The following PKP4 variants were observed in gnomAD, a reference collection of about 807,000 sequenced individuals.
PKP4 encodes the protein plakophilin-4.
PKP4 carries 90 observed loss-of-function variants against 145.1 expected under a neutral mutation model. That is an observed-to-expected ratio of 0.62 (90% CI 0.52 to 0.74). PKP4 has a LOEUF of 0.74. PKP4 is among the 30% of genes least tolerant of loss of function. The probability of loss-of-function intolerance (pLI) is 0.00; values close to 1 mark genes in which losing one functional copy is unlikely to be tolerated. For synonymous variants in PKP4, 563 were observed against 577.2 expected (o/e 0.98, Z 0.35); for missense variants, 1,340 against 1,482.7 (o/e 0.90, Z 1.58).
chr2:158,489,555 C>T (rs564641250), intron 1 of PKP4, among the ~76,000 whole-genome samples: 1 of 152,282 alleles, frequency 6.6e-6, no homozygotes, highest in South Asian at 2.1e-4. Flanking sequence ...TTGGGGCTTC[C>T]CTGACTCCTC....
intron 4 of PKP4, among the ~76,000 whole-genome samples, chr2:158,604,611 T>C (rs2050500063): frequency 6.6e-6 from 1 of 152,020 alleles, no homozygotes; most frequent in Non-Finnish European, 1.5e-5. Context: ...TGTGAGGTTT[T>C]GCGTTTGGGA....
chr2:158,522,977 C>G (rs1003354234), intron 1 of PKP4, among the ~76,000 whole-genome samples: 5 of 152,084 alleles, frequency 3.3e-5, no homozygotes, highest in Non-Finnish European at 5.9e-5. Flanking sequence ...CTCGGAGGGT[C>G]CTACGCCCAC....
At chr2:158,478,372 G>T (rs1373658546) in intron 1 of PKP4, among the ~76,000 whole-genome samples, 1 of 151,914 alleles carries the variant, frequency 6.6e-6, no homozygotes, top group Non-Finnish European at 1.5e-5. Flanking sequence ...GATTTTCATA[G>T]TAAATCCTTT....
chr2:158,484,127 A>G (rs1437547830), intron 1 of PKP4, among the ~76,000 whole-genome samples: 1 of 150,242 alleles, frequency 6.7e-6, no homozygotes, highest in Non-Finnish European at 1.5e-5. Context: ...GGCTCACTGC[A>G]AGCTCCGCCT....
chr2:158,623,700 C>T (rs768380596), intron 6 of PKP4, among the ~76,000 whole-genome samples: 7 of 152,158 alleles, frequency 4.6e-5, no homozygotes, highest in Non-Finnish European at 1.0e-4. Flanking sequence ...CCTCATATGA[C>T]CCCTAAGGGT....
At chr2:158,613,413 T>G (rs2051314615) in intron 4 of PKP4, among the ~76,000 whole-genome samples, 1 of 152,168 alleles carries the variant, frequency 6.6e-6, no homozygotes. Flanking sequence ...CAAGCCCTAA[T>G]GAAATAATTC....
intron 11 of PKP4, among the ~76,000 whole-genome samples, chr2:158,645,565 C>A (rs2528578): frequency 3.3e-5 from 5 of 152,032 alleles, no homozygotes; most frequent in Admixed American, 3.3e-4. Context: ...GGCTGCAGTC[C>A]ATCGTGTGCG....
chr2:158,524,165 C>T, intron 1 of PKP4, among the ~76,000 whole-genome samples: 1 of 92,906 alleles, frequency 1.1e-5, no homozygotes. Flanking sequence ...AGAGCAACTC[C>T]AAGACACATA....
chr2:158,482,493 TATTTC>T (rs1693512733), intron 1 of PKP4, among the ~76,000 whole-genome samples: 1 of 152,026 alleles, frequency 6.6e-6, no homozygotes, highest in Non-Finnish European at 1.5e-5. Context: ...GTGAAAGTTT[TATTTC>T]ATTTATGTTT....
intron 1 of PKP4, among the ~76,000 whole-genome samples, chr2:158,520,534 T>C (rs1454931268): frequency 6.6e-6 from 1 of 152,256 alleles, no homozygotes; most frequent in African/African-American, 2.4e-5. Flanking sequence ...CGTCTAATAC[T>C]GTATCATGTT....
intron 2 of PKP4, 159 bp downstream of exon 2, chr2:158,533,475 G>A: frequency 1.2e-6 from 1 of 827,100 alleles, no homozygotes; most frequent in South Asian, 1.4e-5. Context: ...TGACTGGCAT[G>A]TAGAGCCGCT....
At position 158,598,110 on chromosome 2, in the gene PKP4, C is replaced by T. The variant is rs142202668; in HGVS notation, c.246-4960C>T. On this transcript the variant is annotated intron_variant, in intron 3 of 21. Coordinates refer to ENST00000389759, the MANE Select transcript of PKP4 (RefSeq NM_003628.6). ...AGAGTGGTGGATTATAGGCGTGAGC[C>T]GCTGTGTCAAGCCTGATTTTTTTAA... Among the ~76,000 whole-genome samples, 213 of 152,248 alleles carry T rather than the reference C, an allele frequency of 1.4e-3. 1 individual carries two copies. The highest frequency in any genetic ancestry group is 4.5e-3 in the African/African-American group (187 of 41,534).
chr2:158,574,571 C>G (rs958015554), intron 2 of PKP4, among the ~76,000 whole-genome samples: 1 of 152,184 alleles, frequency 6.6e-6, no homozygotes, highest in South Asian at 2.1e-4. Context: ...TGGTGCCATT[C>G]ACATGTGCGT....
Position 158,678,868 on chromosome 2 carries a change from A to G in PKP4, c.3330+214A>G, listed in dbSNP as rs2058242224. The G allele has an allele frequency of 6.9e-6, 4 of 582,752 alleles. No individual in the cohort carries two copies. In the Admixed American group the frequency reaches 1.2e-4, roughly 17 times the overall value. The allele number at this position is 582,752 out of a possible 1,614,324, so 36.1% of individuals were successfully genotyped here. The stretch of plus-strand genomic sequence containing the variant: ...GAGTATCCACATCGGTACTGCTGAG[A>G]CCACCGTGCCACTGATGGGGACAGC... On this transcript the variant is annotated intron_variant, in intron 21 of 21. Transcript: ENST00000389759.
intron 1 of PKP4, among the ~76,000 whole-genome samples, chr2:158,524,237 G>A (rs1420261178): frequency 1.6e-5 from 2 of 125,676 alleles, no homozygotes; most frequent in Admixed American, 8.6e-5. Flanking sequence ...AGAGAGAAAG[G>A]CCGGGTTACC....
At chr2:158,663,144 A>C (rs577111806) in intron 14 of PKP4, 56 bp downstream of exon 14, 2 of 1,526,576 alleles carry the variant, frequency 1.3e-6, no homozygotes, top group South Asian at 2.5e-5. Flanking sequence ...GGAGTGAGGA[A>C]TCACATATTT....
chr2:158,576,315 C>A (rs985542752), intron 2 of PKP4, among the ~76,000 whole-genome samples: 9 of 152,128 alleles, frequency 5.9e-5, no homozygotes, highest in African/African-American at 1.9e-4. Flanking sequence ...AGATTTAATA[C>A]TCATATGTCT....
At chr2:158,603,994 C>T (rs932861691) in intron 4 of PKP4, among the ~76,000 whole-genome samples, 2 of 152,084 alleles carry the variant, frequency 1.3e-5, no homozygotes, top group African/African-American at 4.8e-5. Context: ...AGTTCTTTCC[C>T]CCAGAAAAAT....
At chr2:158,655,045 C>G (rs769961018) in intron 11 of PKP4, among the ~76,000 whole-genome samples, 4 of 151,802 alleles carry the variant, frequency 2.6e-5, no homozygotes, top group Admixed American at 1.3e-4. Context: ...AATTTCAAAC[C>G]TATAAAAATA....
Sources: gnomAD v4.1 joint callset for allele counts (sites outside exome capture counted in the v4.1 genomes callset) on GRCh38, gnomAD v4.1.1 for gene constraint, MANE v1.5 for transcripts, NCBI Gene and HGNC (gene_info 2026-07-23, HGNC 2026-07-21) for gene names.